Variants in ACTN1 observed in about 807,000 individuals in gnomAD.
The protein encoded by ACTN1 is actinin alpha 1.
Under a neutral mutation model 119.6 loss-of-function variants are expected in ACTN1, and 30 were observed. The ratio of observed to expected loss-of-function variants is 0.25; its 90% CI spans 0.19 to 0.34. The LOEUF (loss-of-function observed/expected upper bound fraction) is 0.34, where lower values mean the gene tolerates loss of function less well. ACTN1 is among the 10% of genes least tolerant of loss of function. The pLI, the probability that ACTN1 is intolerant of heterozygous loss-of-function variation, is 1.00. For missense variants in ACTN1, 764 were observed against 1,223.4 expected (o/e 0.62, Z 5.60); for synonymous variants, 429 against 472.6 (o/e 0.91, Z 1.20).
chr14:68,883,069 G>T lies in ACTN1; in HGVS notation c.1636-14C>A. 1 of 1,612,136 alleles carries T rather than the reference G, an allele frequency of 6.2e-7. No homozygotes were observed. Among genetic ancestry groups the T allele is most frequent in the Non-Finnish European group, 8.5e-7 (1 of 1,178,594 alleles). On this transcript the variant is annotated splice_polypyrimidine_tract_variant and intron_variant, in intron 14 of 21. Transcript: ENST00000394419. Reference sequence around the variant, plus strand: ...TGTGGTCAGTCCCTGGACAGAGATGGGAATATGTGGGCAAGAGGAACAAAG... The same window carrying T: ...TGTGGTCAGTCCCTGGACAGAGATGTGAATATGTGGGCAAGAGGAACAAAG...
chr14:68,896,186 G>C (rs927704020), intron 8 of ACTN1, among the ~76,000 whole-genome samples: 5 of 152,122 alleles, frequency 3.3e-5, no homozygotes, highest in African/African-American at 9.7e-5. Context: ...GCAGGTTCCT[G>C]AAGTCCAGAT....
intron 8 of ACTN1, among the ~76,000 whole-genome samples, chr14:68,900,578 G>T (rs1343816677): frequency 1.3e-5 from 2 of 152,098 alleles, no homozygotes; most frequent in Non-Finnish European, 2.9e-5. Context: ...AAGGGCTCTT[G>T]ATGCGGGGTG....
intron 1 of ACTN1, among the ~76,000 whole-genome samples, chr14:68,948,437 G>A (rs1412263790): frequency 1.3e-5 from 2 of 152,142 alleles, no homozygotes; most frequent in Non-Finnish European, 2.9e-5. Context: ...AATTAGCCGG[G>A]CATGGTGGCG....
At chr14:68,890,601 C>T (rs1185463392) in intron 10 of ACTN1, among the ~76,000 whole-genome samples, 6 of 152,180 alleles carry the variant, frequency 3.9e-5, no homozygotes, top group Non-Finnish European at 7.4e-5. Context: ...ACTGGTTTCC[C>T]GCAGGACTCT....
chr14:68,946,660 A>G (rs934521400), intron 1 of ACTN1, among the ~76,000 whole-genome samples: 2 of 152,088 alleles, frequency 1.3e-5, no homozygotes, highest in Non-Finnish European at 2.9e-5. Context: ...AAGGCCCCAC[A>G]TGCTCACTGG....
At chr14:68,907,793 C>T (rs941190875) in intron 6 of ACTN1, among the ~76,000 whole-genome samples, 1 of 152,100 alleles carries the variant, frequency 6.6e-6, no homozygotes, top group Non-Finnish European at 1.5e-5. Flanking sequence ...GCACAGACCC[C>T]TTTAGTGGGG....
In ACTN1 at chr14:68,912,130, C is replaced by A. The variant is rs373250874; in HGVS notation, c.427+26G>T. The A allele has an allele frequency of 9.7e-5, 156 of 1,608,222 alleles. 1 individual carries two copies. The highest frequency in any genetic ancestry group is 1.2e-4 in the African/African-American group (9 of 74,708). On this transcript the variant is annotated intron_variant, in intron 4 of 21. Coordinates refer to ENST00000394419, the MANE Select transcript of ACTN1 (RefSeq NM_001130004.2). ...AGGGAGGGAGACGAGATGGTGATGG[C>A]GGGATGGAACAAAGCAGAAACCCAC...
At chr14:68,912,381 T>C in intron 3 of ACTN1, 139 bp from the exon 4 acceptor site, 2 of 686,876 alleles carry the variant, frequency 2.9e-6, no homozygotes, top group Non-Finnish European at 5.0e-6. Flanking sequence ...GGAAACAGGA[T>C]TTTTGCTTGT....
intron 11 of ACTN1, 82 bp downstream of exon 11, chr14:68,890,057 G>A: frequency 6.5e-7 from 1 of 1,542,882 alleles, no homozygotes; most frequent in Non-Finnish European, 8.7e-7. Context: ...GAAAAGCAAA[G>A]AATAGCATAG....
At chr14:68,908,215 G>T (rs1009441242) in intron 6 of ACTN1, among the ~76,000 whole-genome samples, 2 of 152,082 alleles carry the variant, frequency 1.3e-5, no homozygotes, top group African/African-American at 4.8e-5. Flanking sequence ...CACGGTGCAG[G>T]GAAGCGGGTA....
At chr14:68,918,393 A>C (rs1331067196) in intron 3 of ACTN1, among the ~76,000 whole-genome samples, 4 of 151,726 alleles carry the variant, frequency 2.6e-5, no homozygotes, top group Non-Finnish European at 5.9e-5. Context: ...CATCCTGGTT[A>C]ACACGGTGAA....
intron 10 of ACTN1, among the ~76,000 whole-genome samples, chr14:68,891,157 C>T (rs2032446145): frequency 6.6e-6 from 1 of 151,496 alleles, no homozygotes; most frequent in African/African-American, 2.4e-5. Context: ...CTTTCACCCT[C>T]CCCTTCTAGA....
In ACTN1 at chr14:68,874,874, G is replaced by C. The variant is rs1461050516; in HGVS notation, c.2730C>G (p.Gly910=). ...DYMSFSTALY[G]ESDL ...GCGGGGTGGATTAGAGGTCACTCTC[G>C]CCGTACAGCGCCGTGGAGAAGGACA... The change falls in exon 22 of 22, where the codon GGC becomes GGG. Residue 910 remains glycine (G), a synonymous_variant. Transcript: ENST00000394419. The C allele has an allele frequency of 6.3e-7, 1 of 1,587,508 alleles. No individual in the cohort carries two copies. Among genetic ancestry groups the C allele is most frequent in the African/African-American group, 1.3e-5 (1 of 74,490 alleles).
chr14:68,938,346 G>C (rs557955121), intron 1 of ACTN1, among the ~76,000 whole-genome samples: 14 of 152,214 alleles, frequency 9.2e-5, no homozygotes, highest in East Asian at 3.9e-4. Flanking sequence ...TTCAGAGTAG[G>C]GGGGACTGGG....
intron 1 of ACTN1, among the ~76,000 whole-genome samples, chr14:68,961,576 G>T (rs2036419490): frequency 6.6e-6 from 1 of 152,198 alleles, no homozygotes; most frequent in African/African-American, 2.4e-5. Flanking sequence ...ACGGGGGTGG[G>T]CTATAGGCCC....
Position 68,874,786 on chromosome 14 carries a change from G to C in ACTN1, c.*73C>G, listed in dbSNP as rs760633640. On this transcript the variant is annotated 3_prime_UTR_variant, in exon 22 of 22. Coordinates refer to ENST00000394419, the MANE Select transcript of ACTN1 (RefSeq NM_001130004.2). Reference sequence around the variant, plus strand: ...GGCTGGGAGCTGAAACCGAACCCAGGCAGGAGATGGGCGACGGCGGAGGTG... The same window carrying C: ...GGCTGGGAGCTGAAACCGAACCCAGCCAGGAGATGGGCGACGGCGGAGGTG... The C allele has an allele frequency of 7.1e-7, 1 of 1,409,090 alleles. No homozygotes were observed. Among genetic ancestry groups the C allele is most frequent in the Non-Finnish European group, 9.3e-7 (1 of 1,072,702 alleles). 87.3% of individuals were successfully genotyped at this position (1,409,090 alleles called of 1,614,324 possible). A position where few individuals can be genotyped will look rare whatever the true frequency, so the allele number is the denominator to read the frequency against.
chr14:68,941,839 C>G (rs553078930), intron 1 of ACTN1, among the ~76,000 whole-genome samples: 40 of 152,126 alleles, frequency 2.6e-4, no homozygotes, highest in Non-Finnish European at 5.3e-4. Context: ...TTCATCTGGG[C>G]TAGCAGGATC....
At chr14:68,885,000 C>T in intron 12 of ACTN1, 117 bp from the exon 13 acceptor site, 2 of 811,512 alleles carry the variant, frequency 2.5e-6, no homozygotes, top group South Asian at 3.1e-5. Context: ...CAGGGGCGCT[C>T]CCTTCAAGAG....
At chr14:68,975,825 G>A (rs1263949087) in intron 1 of ACTN1, among the ~76,000 whole-genome samples, 1 of 152,136 alleles carries the variant, frequency 6.6e-6, no homozygotes, top group Admixed American at 6.5e-5. Flanking sequence ...TTTGAAAGAG[G>A]GACAAGCCTC....
Sources: gnomAD v4.1 joint callset for allele counts (sites outside exome capture counted in the v4.1 genomes callset) on GRCh38, gnomAD v4.1.1 for gene constraint, MANE v1.5 for transcripts, NCBI Gene and HGNC (gene_info 2026-07-23, HGNC 2026-07-21) for gene names.